Variants in DSCAML1 observed in about 807,000 individuals in gnomAD.
DSCAML1 encodes the protein DS cell adhesion molecule like 1.
Under a neutral mutation model 200.5 loss-of-function variants are expected in DSCAML1, and 38 were observed. The observed-to-expected ratio is 0.19, with a 90% CI of 0.15 to 0.25. DSCAML1 has a LOEUF of 0.25. DSCAML1 is among the 10% of genes least tolerant of loss of function. The pLI is 1.00. For missense variants in DSCAML1, 2,223 were observed against 2,858.8 expected (o/e 0.78, Z 5.07); for synonymous variants, 1,215 against 1,165.0 (o/e 1.04, Z -0.87).
At chr11:117,587,291 A>C (rs1002083553) in intron 3 of DSCAML1, among the ~76,000 whole-genome samples, 2 of 140,432 alleles carry the variant, frequency 1.4e-5, no homozygotes, top group Non-Finnish European at 3.1e-5. Context: ...TGATTCCTAT[A>C]TTGTAGTGGA....
intron 3 of DSCAML1, among the ~76,000 whole-genome samples, chr11:117,685,162 C>T (rs546494320): frequency 4.6e-5 from 7 of 152,258 alleles, no homozygotes; most frequent in East Asian, 1.9e-4. Flanking sequence ...ACACAGTGGG[C>T]GATAGACTTG....
intron 3 of DSCAML1, among the ~76,000 whole-genome samples, chr11:117,752,038 C>CTGTGTG (rs372303288): frequency 0.017 from 2,626 of 150,666 alleles, 63 homozygotes; most frequent in African/African-American, 0.06. Flanking sequence ...AACCTCAGCT[C>CTGTGTG]TGTGTGTGTG....
intron 3 of DSCAML1, among the ~76,000 whole-genome samples, chr11:117,545,493 C>G (rs1309094391): frequency 1.3e-5 from 2 of 152,196 alleles, no homozygotes; most frequent in Non-Finnish European, 2.9e-5. Flanking sequence ...TGGACATGCT[C>G]TTCCCTAGGA....
At position 117,440,734 on chromosome 11, in the gene DSCAML1, A is replaced by G. The variant is rs151291966; in HGVS notation, c.3863-798T>C. On this transcript the variant is annotated intron_variant, in intron 21 of 32. Transcript: ENST00000651296. ...GAAGTTCAAGACCAGCCTGGCCAAC[A>G]TGGCAGAACCCTGTCTCTCTACTAG... is the stretch of plus-strand genomic sequence containing the variant. 7.8e-3 allele frequency among the ~76,000 whole-genome samples: 1,188 copies of G among 152,254 alleles called. 9 individuals are homozygous for G. Among genetic ancestry groups the G allele is most frequent in the African/African-American group, 0.027 (1,142 of 41,534 alleles).
intron 3 of DSCAML1, among the ~76,000 whole-genome samples, chr11:117,627,646 C>G (rs1467343642): frequency 6.6e-6 from 1 of 152,080 alleles, no homozygotes; most frequent in African/African-American, 2.4e-5. Flanking sequence ...TCACAGTGTC[C>G]AGGAGGGAGC....
chr11:117,681,424 C>T (rs2053311172), intron 3 of DSCAML1, among the ~76,000 whole-genome samples: 1 of 152,192 alleles, frequency 6.6e-6, no homozygotes, highest in African/African-American at 2.4e-5. Context: ...CCTGCCCCCT[C>T]CTTGAAGGCC....
chr11:117,445,629 CAT>C (rs1383071221), intron 20 of DSCAML1, among the ~76,000 whole-genome samples: 2 of 152,194 alleles, frequency 1.3e-5, no homozygotes, highest in African/African-American at 4.8e-5. Context: ...TAAACTAGGA[CAT>C]ATTCTTCTCC....
chr11:117,757,555 TA>T (rs942437107), intron 3 of DSCAML1, among the ~76,000 whole-genome samples: 8 of 146,830 alleles, frequency 5.4e-5, no homozygotes, highest in African/African-American at 2.0e-4. Context: ...TACGCATTTT[TA>T]ACCAATTAGG....
At position 117,591,268 on chromosome 11, in the gene DSCAML1, G is replaced by A. The variant is rs537541198; in HGVS notation, c.512-58746C>T. ...GGTTCCAACACCCCCATAACCCAGT[G>A]GGCACCCTAGCACCCCCAAAGTTTG... On this transcript the variant is annotated intron_variant, in intron 3 of 32. Coordinates refer to ENST00000651296, the MANE Select transcript of DSCAML1 (RefSeq NM_020693.4). 5.3e-5 allele frequency among the ~76,000 whole-genome samples: 8 copies of A among 152,216 alleles called. No homozygotes were observed. In the East Asian group the frequency reaches 1.5e-3, roughly 29 times the overall value.
chr11:117,772,637 G>A (rs188029779), intron 3 of DSCAML1, among the ~76,000 whole-genome samples: 314 of 152,342 alleles, frequency 2.1e-3, no homozygotes, highest in Middle Eastern at 3.4e-3. Context: ...ATCAGGTCTG[G>A]TGGAAATTAA....
intron 1 of DSCAML1, among the ~76,000 whole-genome samples, chr11:117,811,831 A>C (rs146780700): frequency 6.6e-6 from 1 of 152,040 alleles, no homozygotes; most frequent in Non-Finnish European, 1.5e-5. Context: ...GTGTAAGTCC[A>C]TCCCCTTCTT....
At chr11:117,517,774 G>A (rs540604873) in intron 7 of DSCAML1, among the ~76,000 whole-genome samples, 2 of 152,278 alleles carry the variant, frequency 1.3e-5, no homozygotes, top group South Asian at 2.1e-4. Context: ...AGACCCCATC[G>A]GGCTACAAAG....
At chr11:117,584,198 C>G (rs2051099505) in intron 3 of DSCAML1, among the ~76,000 whole-genome samples, 1 of 152,232 alleles carries the variant, frequency 6.6e-6, no homozygotes, top group Non-Finnish European at 1.5e-5. Context: ...CTCCCGGTCT[C>G]TAACTTTGGG....
At chr11:117,543,426 T>C (rs1187428391) in intron 3 of DSCAML1, among the ~76,000 whole-genome samples, 2 of 152,086 alleles carry the variant, frequency 1.3e-5, no homozygotes, top group Admixed American at 6.5e-5. Flanking sequence ...TGTGTGACCC[T>C]GTGCTGGTGT....
intron 3 of DSCAML1, among the ~76,000 whole-genome samples, chr11:117,592,619 T>C (rs1423120578): frequency 2.0e-5 from 3 of 152,176 alleles, no homozygotes; most frequent in Non-Finnish European, 4.4e-5. Flanking sequence ...ATTGAGCTAA[T>C]AGTTACACAC....
chr11:117,674,094 T>C (rs1489417591), intron 3 of DSCAML1, among the ~76,000 whole-genome samples: 1 of 152,340 alleles, frequency 6.6e-6, no homozygotes, highest in East Asian at 1.9e-4. Flanking sequence ...AGGAAGCAAG[T>C]GCAGCACTTA....
intron 3 of DSCAML1, among the ~76,000 whole-genome samples, chr11:117,613,314 C>T (rs2051735696): frequency 6.6e-6 from 1 of 151,944 alleles, no homozygotes; most frequent in African/African-American, 2.4e-5. Flanking sequence ...ATAGTAAAGA[C>T]ATGGTAGGAA....
intron 3 of DSCAML1, among the ~76,000 whole-genome samples, chr11:117,755,634 C>T (rs935359950): frequency 1.2e-4 from 18 of 152,038 alleles, no homozygotes; most frequent in African/African-American, 4.3e-4. Context: ...GTCAGAAATG[C>T]AAAAAGGAAC....
At chr11:117,442,129 G>A (rs1055985009) in intron 21 of DSCAML1, among the ~76,000 whole-genome samples, 3 of 152,054 alleles carry the variant, frequency 2.0e-5, no homozygotes, top group Admixed American at 2.0e-4. Flanking sequence ...GAGTGTGCAC[G>A]TGTATGCATG....
Sources: allele counts gnomAD v4.1 joint callset (sites outside exome capture counted in the v4.1 genomes callset), GRCh38; gene constraint gnomAD v4.1.1; transcripts MANE v1.5; gene names NCBI Gene and HGNC (gene_info 2026-07-23, HGNC 2026-07-21).